Variants in SLFN5 observed in about 807,000 individuals in gnomAD.
The protein encoded by SLFN5 is schlafen family member 5.
A neutral mutation model predicts 48.5 loss-of-function variants in SLFN5; 34 were observed. The ratio of observed to expected loss-of-function variants is 0.70; its 90% CI spans 0.53 to 0.93. The LOEUF is 0.93. SLFN5 is among the 40% of genes least tolerant of loss of function. SLFN5 has a pLI of 0.00. For missense variants in SLFN5, 1,006 were observed against 1,071.3 expected, an observed-to-expected ratio of 0.94 and a Z score of 0.85; for synonymous variants, 387 against 396.2, an observed-to-expected ratio of 0.98 and a Z score of 0.28.
intron 3 of SLFN5, among the ~76,000 whole-genome samples, chr17:35,263,850 GA>G (rs570978669): frequency 5.7e-4 from 84 of 147,158 alleles, no homozygotes; most frequent in African/African-American, 1.2e-3. Context: ...AAAGAAAAAA[GA>G]AAAAAAAGAA....
chr17:35,248,973 A>G (rs1304019664), intron 1 of SLFN5, among the ~76,000 whole-genome samples: 1 of 152,206 alleles, frequency 6.6e-6, no homozygotes, highest in Non-Finnish European at 1.5e-5. Flanking sequence ...AAAAGGATCC[A>G]AAAAGTAAGG....
intron 3 of SLFN5, among the ~76,000 whole-genome samples, chr17:35,261,445 A>C (rs72825912): frequency 0.1 from 15,718 of 151,594 alleles, 884 homozygotes; most frequent in South Asian, 0.13. Context: ...TGAGGTGTGG[A>C]ATTGCTTAAG....
Position 35,245,912 on chromosome 17 carries a change from A to G in SLFN5, c.-41+2769A>G, listed in dbSNP as rs898013740. Among the ~76,000 whole-genome samples the G allele has an allele frequency of 2.0e-5, 3 of 152,076 alleles. No homozygotes were observed. In the South Asian group the frequency reaches 6.2e-4, roughly 32 times the overall value. On this transcript the variant is annotated intron_variant, in intron 1 of 4. Coordinates refer to ENST00000299977, the MANE Select transcript of SLFN5 (RefSeq NM_144975.4). ...AAGCGTACGCAGAACTTCTTAAGAA[A>G]CTGCCAAATTCTTTTCCAAAATGGT...
chr17:35,253,202 T>C (rs2092446430), intron 1 of SLFN5, among the ~76,000 whole-genome samples: 1 of 152,086 alleles, frequency 6.6e-6, no homozygotes, highest in Non-Finnish European at 1.5e-5. Flanking sequence ...CTAATCTCAC[T>C]TATGAGGGTA....
In SLFN5 at chr17:35,256,078, G is replaced by T. The variant is rs908728075; in HGVS notation, c.-40-2573G>T. On this transcript the variant is annotated intron_variant, in intron 1 of 4. Transcript: ENST00000299977. ...AGTTCATTCAAAATAGTGCATGTAGGCTGGGCGCGGTGGCTTACGCCTGTA... is the reference window on the plus strand; with the variant it reads ...AGTTCATTCAAAATAGTGCATGTAGTCTGGGCGCGGTGGCTTACGCCTGTA... Among the ~76,000 whole-genome samples, 5 of 152,272 alleles carry T rather than the reference G, an allele frequency of 3.3e-5. No individual in the cohort carries two copies. The South Asian group carries it at 1.0e-3, about 32-fold the overall frequency.
rs1904697337 is a variant in SLFN5 at position 35,266,361 on chromosome 17, G to A, written c.*473G>A. ...GAAGAGCTTGAATGGGACGTGCAGC[G>A]AGAATGTGAAGGATGGAGCAGGTAG... On this transcript the variant is annotated 3_prime_UTR_variant, in exon 5 of 5. Coordinates refer to ENST00000299977, the MANE Select transcript of SLFN5 (RefSeq NM_144975.4). The A allele has an allele frequency of 6.5e-6, 1 of 152,956 alleles. No homozygotes were observed. The highest frequency in any genetic ancestry group is 2.1e-4 in the South Asian group (1 of 4,852). The allele number at this position is 152,956 out of a possible 1,614,324, so 9.5% of individuals were successfully genotyped here.
intron 1 of SLFN5, among the ~76,000 whole-genome samples, chr17:35,244,633 A>T (rs1250347048): frequency 6.6e-6 from 1 of 152,160 alleles, no homozygotes; most frequent in Non-Finnish European, 1.5e-5. Context: ...ATTCATTTAA[A>T]TGTCACAAGA....
At chr17:35,256,346 G>A (rs12942605) in intron 1 of SLFN5, among the ~76,000 whole-genome samples, 15,528 of 152,160 alleles carry the variant, frequency 0.1, 1,018 homozygotes, top group East Asian at 0.24. Flanking sequence ...GCAACAAGAA[G>A]TAGACTCCAT....
chr17:35,262,294 C>T (rs1468949777), intron 3 of SLFN5, among the ~76,000 whole-genome samples: 1 of 150,816 alleles, frequency 6.6e-6, no homozygotes, highest in Non-Finnish European at 1.5e-5. Context: ...ACAGGAGAAT[C>T]GCTTGAACCC....
rs746954201 is a variant in SLFN5 at position 35,265,639 on chromosome 17, A to T, written c.2427A>T (p.Thr809=). ...AAAAATATAAAGACAGGCTTCTAAC[A>T]GCAATGAGGAAGAGAAAACTGTCTC... ...EVEKYKDRLL[T]AMRKRKLSQL... Residue 809 remains threonine (T), a synonymous_variant, in exon 5 of 5, where the codon ACA becomes ACT. Transcript: ENST00000299977. 5.6e-6 allele frequency: 9 copies of T among 1,614,258 alleles called. No individual in the cohort carries two copies. In the South Asian group the frequency reaches 9.9e-5, roughly 18 times the overall value.
chr17:35,261,156 G>T, intron 3 of SLFN5, 60 bp downstream of exon 3: 1 of 1,578,824 alleles, frequency 6.3e-7, no homozygotes, highest in South Asian at 1.1e-5. Flanking sequence ...ATAAAAAATT[G>T]ACTCCTACTT....
Position 35,265,130 on chromosome 17 carries a change from T to C in SLFN5, c.1918T>C (p.Phe640Leu). Residue 640 changes from phenylalanine (F) to leucine (L), a missense_variant, in exon 5 of 5, where the codon TTT becomes CTT. Physicochemically the swap from Phe to Leu is conservative, Grantham distance 22 (BLOSUM62 0). Coordinates refer to ENST00000299977, the MANE Select transcript of SLFN5 (RefSeq NM_144975.4). ...VTRKTFMKNNFEHIQHIIIDD... is the reference protein window; with the variant it reads ...VTRKTFMKNNLEHIQHIIIDD... The stretch of plus-strand genomic sequence containing the variant: ...CCGGAAAACCTTCATGAAAAACAAC[T>C]TTGAACACATCCAGCACATTATCAT... The C allele has an allele frequency of 6.2e-7, 1 of 1,614,116 alleles. No homozygotes were observed. The highest frequency in any genetic ancestry group is 8.5e-7 in the Non-Finnish European group (1 of 1,180,032).
In SLFN5 at chr17:35,264,418, G is replaced by A; in HGVS notation, c.1374G>A (p.Lys458=). ...NTPILYTIFS[K]WDAGCKGYSM... ...CTATTCTCTACACCATCTTCAGCAAGTGGGATGCGGGGTGCAAGGGCTATT... is the reference window on the plus strand; with the variant it reads ...CTATTCTCTACACCATCTTCAGCAAATGGGATGCGGGGTGCAAGGGCTATT... The change falls in exon 4 of 5, where the codon AAG becomes AAA. Residue 458 remains lysine (K), a synonymous_variant. Transcript: ENST00000299977. 1.2e-6 allele frequency: 2 copies of A among 1,614,208 alleles called. No individual in the cohort carries two copies. Among genetic ancestry groups the A allele is most frequent in the South Asian group, 1.1e-5 (1 of 91,090 alleles).
rs1904675810 is a variant in SLFN5, at chr17:35,266,043, T to C, written c.*155T>C. ...GAACGAATCGATGTAAGATTCCTCCTTTAGGGCAGAGACAGACCACTGACA... is the reference window on the plus strand; with the variant it reads ...GAACGAATCGATGTAAGATTCCTCCCTTAGGGCAGAGACAGACCACTGACA... On this transcript the variant is annotated 3_prime_UTR_variant, in exon 5 of 5. Coordinates refer to ENST00000299977, the MANE Select transcript of SLFN5 (RefSeq NM_144975.4). 1.3e-6 allele frequency: 1 copy of C among 771,200 alleles called. No homozygotes were observed. Among genetic ancestry groups the C allele is most frequent in the Admixed American group, 3.1e-5 (1 of 32,150 alleles). The allele number at this position is 771,200 out of a possible 1,614,324, so 47.8% of individuals were successfully genotyped here. A position where few individuals can be genotyped will look rare whatever the true frequency, so the allele number is the denominator to read the frequency against.
In SLFN5 at chr17:35,258,969, C is replaced by G. The variant is rs772590228; in HGVS notation, c.279C>G (p.Asn93Lys). Residue 93 changes from asparagine (N) to lysine (K), a missense_variant, in exon 2 of 5, where the codon AAC (asparagine) becomes AAG (lysine). Physicochemically the swap from Asn to Lys is moderately conservative, Grantham distance 94. Transcript: ENST00000299977. ...RSHLDKMQKENHFLIFVKSWN... is the reference protein window; with the variant it reads ...RSHLDKMQKEKHFLIFVKSWN... ...ATTTAGATAAGATGCAGAAGGAAAA[C>G]CACTTTTTGATTTTTGTGAAATCAT... 7.4e-6 allele frequency: 12 copies of G among 1,613,970 alleles called. No homozygotes were observed. The highest frequency in any genetic ancestry group is 1.3e-5 in the African/African-American group (1 of 74,882).
rs555776060 is a variant in SLFN5, at chr17:35,254,789, G to T, written c.-40-3862G>T. Among the ~76,000 whole-genome samples, 226 of 152,314 alleles carry T rather than the reference G, an allele frequency of 1.5e-3. 1 individual carries two copies. Among genetic ancestry groups the T allele is most frequent in the Non-Finnish European group, 2.2e-3 (150 of 68,030 alleles). On this transcript the variant is annotated intron_variant, in intron 1 of 4. Coordinates refer to ENST00000299977, the MANE Select transcript of SLFN5 (RefSeq NM_144975.4). The stretch of plus-strand genomic sequence containing the variant: ...CCCAGCAATTTGGGAGGCTGAAGCG[G>T]GTGGATCACCTGAGGTCAGGAGTTC...
chr17:35,261,617 C>T (rs1904521486), intron 3 of SLFN5, among the ~76,000 whole-genome samples: 1 of 151,998 alleles, frequency 6.6e-6, no homozygotes, highest in South Asian at 2.1e-4. Context: ...GATCCTTCCA[C>T]CTGAGCTTCC....
chr17:35,266,177 T>TGTGTGTGCGCGCGCGC lies in SLFN5; in HGVS notation c.*290_*291insTGTGTGCGCGCGCGCG, dbSNP rs35160124. 43 of 173,428 alleles carry TGTGTGTGCGCGCGCGC rather than the reference T, an allele frequency of 2.5e-4. No individual in the cohort carries two copies. The highest frequency in any genetic ancestry group is 7.0e-4 in the African/African-American group (27 of 38,534). 10.7% of individuals were successfully genotyped at this position (173,428 alleles called of 1,614,324 possible). On this transcript the variant is annotated 3_prime_UTR_variant, in exon 5 of 5. Coordinates refer to ENST00000299977, the MANE Select transcript of SLFN5 (RefSeq NM_144975.4). ...GTGTGTGTGTGTGTGTGTGTGTGTG[T>TGTGTGTGCGCGCGCGC]GCGCGCGCGCACGTGCACATGTGTG...
At position 35,264,650 on chromosome 17, in the gene SLFN5, G is replaced by A; in HGVS notation, c.1606G>A (p.Val536Ile). The A allele has an allele frequency of 6.2e-7, 1 of 1,614,096 alleles. No homozygotes were observed. Among genetic ancestry groups the A allele is most frequent in the Middle Eastern group, 1.7e-4 (1 of 6,060 alleles). ...AGCCCTGTTACAGTCCCTCGTGATAGTCTTGCTTGGGTTCAAATCCTTCTT... is the reference window on the plus strand; with the variant it reads ...AGCCCTGTTACAGTCCCTCGTGATAATCTTGCTTGGGTTCAAATCCTTCTT... ...MEALLQSLVI[V>I]LLGFKSFLSE... The change falls in exon 4 of 5, where the codon GTC (valine) becomes ATC (isoleucine). Residue 536 changes from valine to isoleucine, a missense_variant. Transcript: ENST00000299977.
Sources: allele counts gnomAD v4.1 joint callset (sites outside exome capture counted in the v4.1 genomes callset), GRCh38; gene constraint gnomAD v4.1.1; transcripts MANE v1.5; gene names NCBI Gene and HGNC (gene_info 2026-07-23, HGNC 2026-07-21).